Variants in ANKLE2 observed in about 807,000 individuals in gnomAD.
ANKLE2 encodes the protein ankyrin repeat and LEM domain containing 2, also known as ankyrin repeat and LEM domain-containing protein 2.
ANKLE2 carries 55 observed loss-of-function variants against 84.2 expected under a neutral mutation model. That is an observed-to-expected ratio of 0.65 (90% CI 0.53 to 0.82). ANKLE2 has a LOEUF of 0.82. Ranked by LOEUF, ANKLE2 falls within the 40% of genes least tolerant of loss-of-function variation. The probability of loss-of-function intolerance (pLI) is 0.00; values close to 1 mark genes in which losing one functional copy is unlikely to be tolerated. For missense variants in ANKLE2, 1,238 were observed against 1,201.9 expected (o/e 1.03, Z -0.44); for synonymous variants, 551 against 486.1 (o/e 1.13, Z -1.76).
chr12:132,730,591 G>A (rs1384396211), intron 10 of ANKLE2: 5 of 342,362 alleles, frequency 1.5e-5, no homozygotes, highest in Non-Finnish European at 2.7e-5. Flanking sequence ...GGGAGGCCAT[G>A]GCAGGGGGGT....
At position 132,743,912 on chromosome 12, in the gene ANKLE2, G is replaced by A. The variant is rs998956368; in HGVS notation, c.1231-636C>T. 2.0e-5 allele frequency among the ~76,000 whole-genome samples: 3 copies of A among 152,146 alleles called. No individual in the cohort carries two copies. The highest frequency in any genetic ancestry group is 6.6e-5 in the Admixed American group (1 of 15,266). On this transcript the variant is annotated intron_variant, in intron 5 of 12. Transcript: ENST00000357997. The surrounding 1 kb of genome is among the most constrained non-coding windows in gnomAD (Gnocchi z 4.1). ...AATACACAGATGAGGACCACAACCA[G>A]AATAAAGCAAAGCGCACGAATTTGG...
chr12:132,748,827 T>C, intron 3 of ANKLE2: 1 of 165,378 alleles, frequency 6.0e-6, no homozygotes, highest in Non-Finnish European at 1.3e-5. Context: ...TAGCTGGGAC[T>C]ACAGTTGTAT....
At chr12:132,728,447 C>G (rs2043756139) in intron 11 of ANKLE2, among the ~76,000 whole-genome samples, 1 of 152,212 alleles carries the variant, frequency 6.6e-6, no homozygotes, top group Non-Finnish European at 1.5e-5. Flanking sequence ...TCAGGCTGGT[C>G]TTGAACTCCT....
intron 2 of ANKLE2, among the ~76,000 whole-genome samples, chr12:132,754,175 GA>G (rs1194944327): frequency 6.6e-6 from 1 of 152,222 alleles, no homozygotes; most frequent in African/African-American, 2.4e-5. Flanking sequence ...TGGGAGGGGA[GA>G]GGTTGCAGTG....
chr12:132,739,915 A>C (rs2044087146), intron 7 of ANKLE2, among the ~76,000 whole-genome samples: 1 of 152,228 alleles, frequency 6.6e-6, no homozygotes, highest in South Asian at 2.1e-4. Flanking sequence ...AGGAACATGG[A>C]TCTCACAGAG....
At chr12:132,758,884 T>C (rs1352812850) in intron 1 of ANKLE2, 1 of 150,798 alleles carries the variant, frequency 6.6e-6, no homozygotes, top group African/African-American at 2.4e-5. Context: ...TCCACCCACG[T>C]GGCAGAGTGG....
chr12:132,750,438 G>A (rs549076272), intron 3 of ANKLE2, among the ~76,000 whole-genome samples: 6 of 152,084 alleles, frequency 3.9e-5, no homozygotes, highest in East Asian at 3.9e-4. Context: ...AGATGGAAGC[G>A]GCCACAGCGT....
Position 132,747,889 on chromosome 12 carries a change from C to T in ANKLE2, c.1173G>A (p.Met391Ile). The change falls in exon 5 of 13, where the codon ATG (methionine) becomes ATA (isoleucine). Residue 391 changes from methionine to isoleucine, a missense_variant. Met to Ile is a conservative substitution (Grantham distance 10). Around this residue, in one of 3 missense-constraint regions of ANKLE2, gnomAD observed 802 missense variants for 774.5 expected, o/e 1.04. Transcript: ENST00000357997. ...CCACGTAACGGATACGCTTCTGCAG[C>T]ATGGCCTCGTCGTCATCAGGGTACA... is the stretch of plus-strand genomic sequence containing the variant. ...RLMYPDDDEA[M>I]LQKRIRYVVD... 1 of 1,610,994 alleles carries T rather than the reference C, an allele frequency of 6.2e-7. No homozygotes were observed. The highest frequency in any genetic ancestry group is 8.5e-7 in the Non-Finnish European group (1 of 1,179,308).
chr12:132,732,815 AC>A (rs1310292115), intron 10 of ANKLE2, among the ~76,000 whole-genome samples: 1 of 129,280 alleles, frequency 7.7e-6, no homozygotes, highest in African/African-American at 3.0e-5. Context: ...CTGGTGTCTG[AC>A]GTGCACCATG....
intron 1 of ANKLE2, chr12:132,759,079 G>C: frequency 2.5e-5 from 3 of 118,572 alleles, no homozygotes; most frequent in African/African-American, 7.5e-5. Context: ...GATCGCTGCG[G>C]AGTGGCACCC....
In ANKLE2 at chr12:132,743,352, C is replaced by T. The variant is rs1387531186; in HGVS notation, c.1231-76G>A. 2 of 1,419,548 alleles carry T rather than the reference C, an allele frequency of 1.4e-6. No individual in the cohort carries two copies. Among genetic ancestry groups the T allele is most frequent in the East Asian group, 2.5e-5 (1 of 39,480 alleles). 87.9% of individuals were successfully genotyped at this position (1,419,548 alleles called of 1,614,324 possible). A position where few individuals can be genotyped will look rare whatever the true frequency, so the allele number is the denominator to read the frequency against. On this transcript the variant is annotated intron_variant, in intron 5 of 12. Transcript: ENST00000357997. The surrounding 1 kb of genome is among the most constrained non-coding windows in gnomAD (Gnocchi z 4.1). Reference sequence around the variant, plus strand: ...TTGCTCTAAGGTGAAAATACATATTCATTCATTCATTCATTCATTTATTTA... The same window carrying T: ...TTGCTCTAAGGTGAAAATACATATTTATTCATTCATTCATTCATTTATTTA...
chr12:132,747,859 G>A lies in ANKLE2; in HGVS notation c.1203C>T (p.Asp401=). 3 of 1,609,034 alleles carry A rather than the reference G, an allele frequency of 1.9e-6. No homozygotes were observed. In the South Asian group the frequency reaches 3.3e-5, roughly 18 times the overall value. ...MLQKRIRYVV[D]LYLNTPDKMG... is the part of the protein sequence containing the mutation. ...TCTTGTCGGGGGTGTTGAGGTACAGGTCCACCACGTAACGGATACGCTTCT... is the reference window on the plus strand; with the variant it reads ...TCTTGTCGGGGGTGTTGAGGTACAGATCCACCACGTAACGGATACGCTTCT... The change falls in exon 5 of 13, where the codon GAC becomes GAT. Residue 401 remains aspartate (D), a synonymous_variant. Transcript: ENST00000357997.
chr12:132,760,836 C>T (rs1016594132), intron 1 of ANKLE2: 2 of 152,242 alleles, frequency 1.3e-5, no homozygotes, highest in Admixed American at 6.5e-5. Flanking sequence ...CTCTCCTCCC[C>T]AGAGGTTGGG....
chr12:132,761,325 C>T, intron 1 of ANKLE2: 1 of 270,438 alleles, frequency 3.7e-6, no homozygotes, highest in Non-Finnish European at 6.9e-6. Flanking sequence ...CAAGAGTCTC[C>T]GCTAACGCCT....
chr12:132,755,341 C>G, intron 1 of ANKLE2: 2 of 480,440 alleles, frequency 4.2e-6, no homozygotes, highest in Non-Finnish European at 7.3e-6. Context: ...GTCAGGAGTT[C>G]GAGACCAGCC....
chr12:132,753,970 C>T (rs1199008961), intron 2 of ANKLE2, among the ~76,000 whole-genome samples: 1 of 151,916 alleles, frequency 6.6e-6, no homozygotes, highest in Non-Finnish European at 1.5e-5. Context: ...TGGCCAGGCG[C>T]GGTGGCTCAA....
rs995158224 is a variant in ANKLE2 at position 132,737,177 on chromosome 12, C to T, written c.1421-112G>A. On this transcript the variant is annotated intron_variant, in intron 7 of 12. Coordinates refer to ENST00000357997, the MANE Select transcript of ANKLE2 (RefSeq NM_015114.3). ...CTTGCCAAGGCCTCTGCAAATGGAT[C>T]CAACAGACGGGGCAGAGGGTGGTTT... is the stretch of plus-strand genomic sequence containing the variant. The T allele has an allele frequency of 1.6e-5, 19 of 1,186,260 alleles. No homozygotes were observed. The East Asian group carries it at 3.5e-4, about 22-fold the overall frequency. The allele number at this position is 1,186,260 out of a possible 1,614,324, so 73.5% of individuals were successfully genotyped here.
At chr12:132,729,626 G>GGGA (rs2043794905) in intron 11 of ANKLE2, 53 bp downstream of exon 11, 2 of 596,202 alleles carry the variant, frequency 3.4e-6, no homozygotes, top group Non-Finnish European at 5.4e-6. Context: ...GGAGGGGGAG[G>GGGA]GGGGAGGGAA....
At chr12:132,731,894 G>T (rs1191010691) in intron 10 of ANKLE2, 1 of 152,514 alleles carries the variant, frequency 6.6e-6, no homozygotes, top group African/African-American at 2.4e-5. Context: ...CGTGGTGTCT[G>T]ATATGCACCG....
Sources: gnomAD v4.1 joint callset for allele counts (sites outside exome capture counted in the v4.1 genomes callset) on GRCh38, gnomAD v4.1.1 for gene constraint, gnomAD v4.1.1 regional missense constraint, Gnocchi (gnomAD v3.1) non-coding constraint, MANE v1.5 for transcripts, NCBI Gene and HGNC (gene_info 2026-07-23, HGNC 2026-07-21) for gene names.